SH3RF3: variants seen among roughly 807,000 people sequenced by gnomAD.
The protein encoded by SH3RF3 is SH3 domain containing ring finger 3.
Under a neutral mutation model 66.3 loss-of-function variants are expected in SH3RF3, and 29 were observed. The observed-to-expected ratio is 0.44, with a 90% CI of 0.33 to 0.60. The LOEUF (loss-of-function observed/expected upper bound fraction) is 0.60. Among genes scored for constraint, SH3RF3 ranks in the 20% least tolerant of loss-of-function variants. The pLI is 0.04. For synonymous variants in SH3RF3, 583 were observed against 532.0 expected (o/e 1.10, Z -1.32); for missense variants, 1,194 against 1,190.9 (o/e 1.00, Z -0.04).
chr2:109,231,519 C>T (rs1292634613), intron 1 of SH3RF3, among the ~76,000 whole-genome samples: 1 of 152,142 alleles, frequency 6.6e-6, no homozygotes, highest in Non-Finnish European at 1.5e-5. Flanking sequence ...GAATAAATAT[C>T]GTGCTCTGTT....
chr2:109,366,848 G>A (rs529666301), intron 2 of SH3RF3, among the ~76,000 whole-genome samples: 8 of 152,290 alleles, frequency 5.3e-5, no homozygotes, highest in South Asian at 4.2e-4. Flanking sequence ...GCAAGACCTC[G>A]TCTCAAAAAC....
At chr2:109,413,863 C>A (rs998273898) in intron 4 of SH3RF3, among the ~76,000 whole-genome samples, 3 of 152,238 alleles carry the variant, frequency 2.0e-5, no homozygotes, top group African/African-American at 7.2e-5. Context: ...ACACTGGGGT[C>A]TTCCGCATCC....
chr2:109,155,977 T>C (rs1351502432), intron 1 of SH3RF3, among the ~76,000 whole-genome samples: 3 of 152,222 alleles, frequency 2.0e-5, no homozygotes, highest in African/African-American at 7.2e-5. Flanking sequence ...GTCACTGAGC[T>C]CTGCAGGGAT....
intron 3 of SH3RF3, among the ~76,000 whole-genome samples, chr2:109,374,425 C>T (rs139622174): frequency 1.6e-3 from 243 of 152,346 alleles, no homozygotes; most frequent in African/African-American, 5.2e-3. Context: ...ACTGCTTGCA[C>T]GCCACACACC....
intron 5 of SH3RF3, among the ~76,000 whole-genome samples, chr2:109,424,993 A>G (rs1251791649): frequency 2.0e-5 from 3 of 152,238 alleles, no homozygotes; most frequent in Non-Finnish European, 2.9e-5. Context: ...GTCAATGAAA[A>G]GAAAAGTTAT....
chr2:109,385,819 A>T (rs1251434471), intron 3 of SH3RF3, among the ~76,000 whole-genome samples: 1 of 152,268 alleles, frequency 6.6e-6, no homozygotes, highest in Non-Finnish European at 1.5e-5. Context: ...GAAACAAAAA[A>T]AATAAACCCA....
At chr2:109,383,406 C>A (rs114360375) in intron 3 of SH3RF3, among the ~76,000 whole-genome samples, 1 of 152,170 alleles carries the variant, frequency 6.6e-6, no homozygotes, top group African/African-American at 2.4e-5. Flanking sequence ...GCTGCCTCAC[C>A]CTTAGTTCTA....
chr2:109,442,946 G>A (rs1013300251), intron 7 of SH3RF3, among the ~76,000 whole-genome samples: 4 of 152,120 alleles, frequency 2.6e-5, no homozygotes, highest in East Asian at 3.8e-4. Flanking sequence ...AAAAACCAAC[G>A]ATATGCTGTG....
chr2:109,337,386 A>G (rs765123063), intron 1 of SH3RF3, among the ~76,000 whole-genome samples: 2 of 152,168 alleles, frequency 1.3e-5, no homozygotes, highest in Admixed American at 6.5e-5. Context: ...CTCTGCATCC[A>G]AGGCTAGGTC....
intron 1 of SH3RF3, among the ~76,000 whole-genome samples, chr2:109,170,359 C>A (rs2104944256): frequency 6.8e-6 from 1 of 147,216 alleles, no homozygotes; most frequent in South Asian, 2.2e-4. Context: ...TTCTTTCTTT[C>A]TTTTTTGACC....
chr2:109,320,644 A>G, intron 1 of SH3RF3, among the ~76,000 whole-genome samples: 1 of 152,238 alleles, frequency 6.6e-6, no homozygotes, highest in Non-Finnish European at 1.5e-5. Context: ...CCAGCTCTAT[A>G]ACACCCAATA....
At chr2:109,173,295 T>G (rs1016945497) in intron 1 of SH3RF3, among the ~76,000 whole-genome samples, 2 of 152,204 alleles carry the variant, frequency 1.3e-5, no homozygotes, top group Non-Finnish European at 2.9e-5. Context: ...CTCCTGAGCC[T>G]GCACTTGCGT....
At chr2:109,470,343 G>A (rs1678470385) in intron 8 of SH3RF3, among the ~76,000 whole-genome samples, 1 of 152,128 alleles carries the variant, frequency 6.6e-6, no homozygotes, top group South Asian at 2.1e-4. Context: ...TGCTCCATCT[G>A]GAAAAGATCA....
chr2:109,173,139 A>C (rs188291701), intron 1 of SH3RF3, among the ~76,000 whole-genome samples: 3 of 152,362 alleles, frequency 2.0e-5, no homozygotes, highest in South Asian at 2.1e-4. Context: ...AATTTTAAAA[A>C]TTTGTAACTT....
At chr2:109,262,836 CTTTTTTA>C (rs1252304984) in intron 1 of SH3RF3, among the ~76,000 whole-genome samples, 1 of 151,734 alleles carries the variant, frequency 6.6e-6, no homozygotes, top group African/African-American at 2.4e-5. Flanking sequence ...TTTCTTTTTT[CTTTTTTA>C]TTTTTTTGAG....
At chr2:109,470,875 G>A (rs1274148276) in intron 8 of SH3RF3, among the ~76,000 whole-genome samples, 1 of 152,204 alleles carries the variant, frequency 6.6e-6, no homozygotes, top group Non-Finnish European at 1.5e-5. Context: ...CTCTTCTGTT[G>A]CCTGAGGCAG....
chr2:109,494,243 G>A (rs934371197), intron 9 of SH3RF3, among the ~76,000 whole-genome samples: 3 of 152,190 alleles, frequency 2.0e-5, no homozygotes, highest in African/African-American at 4.8e-5. Context: ...ACTCACTCCC[G>A]TTCTCTGAGT....
intron 1 of SH3RF3, among the ~76,000 whole-genome samples, chr2:109,184,664 C>T (rs918965486): frequency 6.6e-6 from 1 of 152,206 alleles, no homozygotes; most frequent in African/African-American, 2.4e-5. Flanking sequence ...GGTCCCAGCC[C>T]ACACTGGGCT....
chr2:109,335,653 C>A (rs1048168101), intron 1 of SH3RF3, among the ~76,000 whole-genome samples: 1 of 152,302 alleles, frequency 6.6e-6, no homozygotes, highest in Middle Eastern at 3.4e-3. Flanking sequence ...TTGTTGCTGT[C>A]CCCCTGGCTG....
Sources: allele counts gnomAD v4.1 joint callset (sites outside exome capture counted in the v4.1 genomes callset), GRCh38; gene constraint gnomAD v4.1.1; transcripts MANE v1.5; gene names NCBI Gene and HGNC (gene_info 2026-07-23, HGNC 2026-07-21).